Variants in MITF observed in about 807,000 individuals in gnomAD.
MITF encodes the protein melanocyte inducing transcription factor.
In MITF, 17 loss-of-function variants were observed where a neutral mutation model predicts 60.5. The ratio of observed to expected loss-of-function variants is 0.28; its 90% CI spans 0.19 to 0.42. The LOEUF (loss-of-function observed/expected upper bound fraction) is 0.42. Among genes scored for constraint, MITF ranks in the 10% least tolerant of loss-of-function variants. The probability of loss-of-function intolerance (pLI) is 1.00; values close to 1 mark genes in which losing one functional copy is unlikely to be tolerated. For synonymous variants in MITF, 260 were observed against 248.5 expected, an observed-to-expected ratio of 1.05 and a Z score of -0.43; for missense variants, 622 against 683.5, an observed-to-expected ratio of 0.91 and a Z score of 1.00.
chr3:69,741,095 A>T (rs1428568292), intron 1 of MITF, among the ~76,000 whole-genome samples: 1 of 152,164 alleles, frequency 6.6e-6, no homozygotes, highest in East Asian at 1.9e-4. Context: ...ATTGGAAGGA[A>T]ACCGCCTAAG....
intron 5 of MITF, among the ~76,000 whole-genome samples, chr3:69,944,356 G>C (rs2066043384): frequency 6.6e-6 from 1 of 152,052 alleles, no homozygotes; most frequent in South Asian, 2.1e-4. Flanking sequence ...CTTGAGGGGA[G>C]AAGGACAATT....
intron 1 of MITF, among the ~76,000 whole-genome samples, chr3:69,871,794 C>G (rs2064243431): frequency 6.6e-6 from 1 of 152,130 alleles, no homozygotes; most frequent in Non-Finnish European, 1.5e-5. Flanking sequence ...GGGCTTTCTA[C>G]CTTTAAAAAG....
At chr3:69,752,457 T>C (rs1465751143) in intron 1 of MITF, 2 of 152,178 alleles carry the variant, frequency 1.3e-5, no homozygotes, top group African/African-American at 2.4e-5. Flanking sequence ...CACTGGGAAC[T>C]GGAATAAAGG....
chr3:69,797,123 C>T (rs1243554298), intron 1 of MITF, among the ~76,000 whole-genome samples: 1 of 152,116 alleles, frequency 6.6e-6, no homozygotes, highest in East Asian at 1.9e-4. Context: ...AGAGGGTATA[C>T]CTCTAATTCG....
chr3:69,778,082 G>C (rs947997874), intron 1 of MITF, among the ~76,000 whole-genome samples: 1 of 152,076 alleles, frequency 6.6e-6, no homozygotes, highest in African/African-American at 2.4e-5. Flanking sequence ...GTGGAGCTGA[G>C]AGATATCAGG....
chr3:69,806,301 G>C (rs1269339954), intron 1 of MITF, among the ~76,000 whole-genome samples: 2 of 151,960 alleles, frequency 1.3e-5, no homozygotes, highest in Non-Finnish European at 2.9e-5. Context: ...TGGCCAGGCT[G>C]GTCTTGAACT....
intron 7 of MITF, among the ~76,000 whole-genome samples, chr3:69,956,013 T>C (rs2066388894): frequency 6.6e-6 from 1 of 152,230 alleles, no homozygotes; most frequent in Non-Finnish European, 1.5e-5. Context: ...ATCTGCATAA[T>C]ATCCTCAATT....
At chr3:69,846,087 G>C (rs539415408) in intron 1 of MITF, among the ~76,000 whole-genome samples, 22 of 151,912 alleles carry the variant, frequency 1.4e-4, no homozygotes, top group African/African-American at 5.3e-4. Flanking sequence ...ACACCAAAGG[G>C]CTTTCTCTTT....
intron 9 of MITF, among the ~76,000 whole-genome samples, chr3:69,961,154 G>A (rs1322677778): frequency 6.6e-6 from 1 of 152,182 alleles, no homozygotes; most frequent in Non-Finnish European, 1.5e-5. Context: ...GGAGGCCAAG[G>A]CGGGTGGATC....
At chr3:69,798,074 A>T (rs1442497650) in intron 1 of MITF, among the ~76,000 whole-genome samples, 2 of 152,166 alleles carry the variant, frequency 1.3e-5, no homozygotes, top group Non-Finnish European at 2.9e-5. Context: ...CTGAGCTGGG[A>T]TATGTGTACC....
At chr3:69,742,406 C>T (rs1339798597) in intron 1 of MITF, among the ~76,000 whole-genome samples, 1 of 152,156 alleles carries the variant, frequency 6.6e-6, no homozygotes, top group Non-Finnish European at 1.5e-5. Flanking sequence ...AACCTCAAGT[C>T]AGATCCTGTC....
In MITF at chr3:69,824,594, A is replaced by G. The variant is rs754811739; in HGVS notation, c.105-54540A>G. On this transcript the variant is annotated intron_variant, in intron 1 of 9. Transcript: ENST00000352241. ...GCGTGCATTCTCACGTGGCTTCTGC[A>G]GCATCCATGGCTTCTCCAGGACCTG... 5.9e-5 allele frequency among the ~76,000 whole-genome samples: 9 copies of G among 152,184 alleles called. 1 individual carries two copies.
At chr3:69,807,290 A>T (rs1669493596) in intron 1 of MITF, among the ~76,000 whole-genome samples, 1 of 152,140 alleles carries the variant, frequency 6.6e-6, no homozygotes, top group Non-Finnish European at 1.5e-5. Context: ...CTTGGATGTT[A>T]TTTTCTGGTC....
At chr3:69,742,586 G>T (rs1703567805) in intron 1 of MITF, among the ~76,000 whole-genome samples, 3 of 152,052 alleles carry the variant, frequency 2.0e-5, no homozygotes, top group Admixed American at 2.0e-4. Flanking sequence ...TTCCACCACT[G>T]GGCATTTTTA....
At chr3:69,782,520 C>G (rs1427501449) in intron 1 of MITF, among the ~76,000 whole-genome samples, 2 of 152,184 alleles carry the variant, frequency 1.3e-5, no homozygotes, top group Non-Finnish European at 2.9e-5. Context: ...GTGTGAGTTA[C>G]TCAAAGTCAC....
chr3:69,909,595 G>A (rs150016868), intron 2 of MITF, among the ~76,000 whole-genome samples: 6,896 of 147,798 alleles, frequency 0.047, 200 homozygotes, highest in Admixed American at 0.091. Flanking sequence ...GAACAATAAG[G>A]CCCAGGCTGA....
At chr3:69,849,021 G>T (rs1004866710) in intron 1 of MITF, among the ~76,000 whole-genome samples, 11 of 130,920 alleles carry the variant, frequency 8.4e-5, no homozygotes. Context: ...CTGGAGTGCA[G>T]TGGCGGGATC....
intron 1 of MITF, among the ~76,000 whole-genome samples, chr3:69,843,705 G>A (rs939754156): frequency 6.6e-6 from 1 of 151,824 alleles, no homozygotes; most frequent in Non-Finnish European, 1.5e-5. Context: ...CCTCTTTATG[G>A]CCACAGACAT....
At chr3:69,855,429 G>A (rs967649337) in intron 1 of MITF, among the ~76,000 whole-genome samples, 1 of 151,958 alleles carries the variant, frequency 6.6e-6, no homozygotes, top group Non-Finnish European at 1.5e-5. Flanking sequence ...TTGATACTTT[G>A]ATATTAATTT....
Sources: gnomAD v4.1 joint callset for allele counts (sites outside exome capture counted in the v4.1 genomes callset) on GRCh38, gnomAD v4.1.1 for gene constraint, MANE v1.5 for transcripts, NCBI Gene and HGNC (gene_info 2026-07-23, HGNC 2026-07-21) for gene names.